Variants in VWC2L observed in about 807,000 individuals in gnomAD.
VWC2L encodes the protein von Willebrand factor C domain-containing protein 2-like.
In VWC2L, 10 loss-of-function variants were observed where a neutral mutation model predicts 21.6. The ratio of observed to expected loss-of-function variants is 0.46; its 90% CI spans 0.29 to 0.78. The LOEUF (loss-of-function observed/expected upper bound fraction) is 0.78. VWC2L is among the 30% of genes least tolerant of loss of function. The pLI is 0.10. For synonymous variants in VWC2L, 96 were observed against 94.3 expected (o/e 1.02, Z -0.10); for missense variants, 209 against 277.1 (o/e 0.75, Z 1.74).
chr2:214,558,928 A>T (rs976714051), intron 3 of VWC2L, among the ~76,000 whole-genome samples: 1 of 151,442 alleles, frequency 6.6e-6, no homozygotes, highest in Non-Finnish European at 1.5e-5. Flanking sequence ...TGTGCAGGTT[A>T]CTTACATATG....
At chr2:214,537,411 TCAGA>T (rs1238108965) in intron 3 of VWC2L, among the ~76,000 whole-genome samples, 1 of 151,112 alleles carries the variant, frequency 6.6e-6, no homozygotes, top group African/African-American at 2.4e-5. Flanking sequence ...GTAAAATCAG[TCAGA>T]CACAAAAAGA....
At position 214,508,950 on chromosome 2, in the gene VWC2L, C is replaced by G. The variant is rs571788806; in HGVS notation, c.521-66722C>G. Among the ~76,000 whole-genome samples the G allele has an allele frequency of 5.3e-5, 8 of 152,200 alleles. No homozygotes were observed. The South Asian group carries it at 1.5e-3, about 28-fold the overall frequency. On this transcript the variant is annotated intron_variant, in intron 3 of 3. Coordinates refer to ENST00000312504, the MANE Select transcript of VWC2L (RefSeq NM_001080500.4). ...TCCCTCCCTCCTCCTTTTCTTCCCT[C>G]CCTTCCTCCTTCTTGTCTTGCCTTG...
At chr2:214,558,208 G>A (rs369916590) in intron 3 of VWC2L, among the ~76,000 whole-genome samples, 4 of 151,682 alleles carry the variant, frequency 2.6e-5, no homozygotes, top group Non-Finnish European at 4.4e-5. Context: ...AATCTTTTTT[G>A]TCTTCTTAGG....
At chr2:214,432,496 A>G (rs1702614789) in intron 2 of VWC2L, among the ~76,000 whole-genome samples, 1 of 152,136 alleles carries the variant, frequency 6.6e-6, no homozygotes, top group African/African-American at 2.4e-5. Context: ...AGGAAAAGAA[A>G]ATGGGTTCGT....
chr2:214,540,082 G>T (rs554542869), intron 3 of VWC2L, among the ~76,000 whole-genome samples: 1 of 152,098 alleles, frequency 6.6e-6, no homozygotes, highest in African/African-American at 2.4e-5. Flanking sequence ...TGTTTGGTGA[G>T]AGGCCCATGT....
intron 3 of VWC2L, among the ~76,000 whole-genome samples, chr2:214,518,682 C>A (rs1291481523): frequency 2.6e-5 from 4 of 152,148 alleles, no homozygotes; most frequent in Non-Finnish European, 4.4e-5. Context: ...GATTTGATAA[C>A]AGTACCACTC....
chr2:214,532,893 T>G (rs1334223961), intron 3 of VWC2L, among the ~76,000 whole-genome samples: 1 of 82,594 alleles, frequency 1.2e-5, no homozygotes, highest in Non-Finnish European at 2.7e-5. Flanking sequence ...GAGGCTGGCT[T>G]GGAAATACAG....
In VWC2L at chr2:214,470,916, C is replaced by CA. The variant is rs56041924; in HGVS notation, c.520+34185dup. Reference sequence around the variant, plus strand: ...TGGGCAACAGAGTGAAACTCCATCTCAAAAAAAAAAAAAAAAAAAAAAAAA... The same window carrying CA: ...TGGGCAACAGAGTGAAACTCCATCTCAAAAAAAAAAAAAAAAAAAAAAAAAA... On this transcript the variant is annotated intron_variant, in intron 3 of 3. Transcript: ENST00000312504. Among the ~76,000 whole-genome samples, 262 of 50,788 alleles carry CA rather than the reference C, an allele frequency of 5.2e-3. 39 individuals are homozygous for CA. The highest frequency in any genetic ancestry group is 0.016 in the African/African-American group (158 of 9,962). 33.3% of individuals were successfully genotyped at this position (50,788 alleles called of 152,430 possible).
At chr2:214,499,839 A>G (rs906285226) in intron 3 of VWC2L, among the ~76,000 whole-genome samples, 1 of 152,206 alleles carries the variant, frequency 6.6e-6, no homozygotes, top group African/African-American at 2.4e-5. Flanking sequence ...GAGCCACTAC[A>G]AAGTGTCAGA....
At chr2:214,450,967 G>A (rs555464514) in intron 3 of VWC2L, among the ~76,000 whole-genome samples, 17 of 152,078 alleles carry the variant, frequency 1.1e-4, no homozygotes, top group Admixed American at 7.9e-4. Context: ...GGAGGAAGCT[G>A]AAGCTGAGCT....
chr2:214,555,607 G>T (rs922549154), intron 3 of VWC2L, among the ~76,000 whole-genome samples: 1 of 152,142 alleles, frequency 6.6e-6, no homozygotes, highest in Non-Finnish European at 1.5e-5. Flanking sequence ...GAAGAGAACA[G>T]GTTTGGGGAT....
chr2:214,442,958 TTCAA>T (rs1702784487), intron 3 of VWC2L, among the ~76,000 whole-genome samples: 1 of 152,216 alleles, frequency 6.6e-6, no homozygotes. Context: ...GAAAGCATTC[TTCAA>T]TCAATTACGT....
intron 3 of VWC2L, among the ~76,000 whole-genome samples, chr2:214,445,508 GTGTA>G (rs1349559415): frequency 2.0e-5 from 3 of 151,470 alleles, no homozygotes; most frequent in African/African-American, 7.3e-5. Context: ...ACATATATGT[GTGTA>G]TGTATGTATG....
chr2:214,461,035 G>T (rs187199065), intron 3 of VWC2L, among the ~76,000 whole-genome samples: 2 of 152,308 alleles, frequency 1.3e-5, no homozygotes, highest in East Asian at 3.9e-4. Flanking sequence ...CAGCTTAAGT[G>T]GTATGTATAA....
intron 3 of VWC2L, among the ~76,000 whole-genome samples, chr2:214,512,930 G>T (rs767323865): frequency 1.3e-4 from 20 of 152,060 alleles, no homozygotes; most frequent in Non-Finnish European, 2.6e-4. Context: ...GTTTTTCAAG[G>T]CTGGCTCCTT....
In VWC2L at chr2:214,433,159, G is replaced by GATATAT. The variant is rs5838434; in HGVS notation, c.391-3451_391-3446dup. On this transcript the variant is annotated intron_variant, in intron 2 of 3. Transcript: ENST00000312504. The stretch of plus-strand genomic sequence containing the variant: ...GATATATTAACTGCTCAAGCCACCT[G>GATATAT]ATATATATATATATATATATATATT... Among the ~76,000 whole-genome samples the GATATAT allele has an allele frequency of 2.6e-3, 347 of 132,974 alleles. 4 individuals are homozygous for GATATAT. Among genetic ancestry groups the GATATAT allele is most frequent in the Middle Eastern group, 3.9e-3 (1 of 254 alleles). The allele number at this position is 132,974 out of a possible 152,430, so 87.2% of individuals were successfully genotyped here.
At chr2:214,495,536 C>G (rs1008166732) in intron 3 of VWC2L, among the ~76,000 whole-genome samples, 3 of 152,152 alleles carry the variant, frequency 2.0e-5, no homozygotes, top group African/African-American at 7.2e-5. Flanking sequence ...GAACCACTGG[C>G]AGAGAACTTC....
At chr2:214,448,136 A>G (rs1010099764) in intron 3 of VWC2L, among the ~76,000 whole-genome samples, 6 of 152,104 alleles carry the variant, frequency 3.9e-5, no homozygotes, top group African/African-American at 1.4e-4. Flanking sequence ...TACTTTACCT[A>G]TTGACTTACT....
intron 3 of VWC2L, among the ~76,000 whole-genome samples, chr2:214,506,978 T>TA (rs1688976271): frequency 6.5e-5 from 2 of 30,550 alleles, no homozygotes; most frequent in South Asian, 0.014. Flanking sequence ...TTTCTAATTT[T>TA]TAAAAAATGT....
Sources: allele counts gnomAD v4.1 joint callset (sites outside exome capture counted in the v4.1 genomes callset), GRCh38; gene constraint gnomAD v4.1.1; transcripts MANE v1.5; gene names NCBI Gene and HGNC (gene_info 2026-07-23, HGNC 2026-07-21).